The following ARSL variants were observed in gnomAD, a reference collection of about 807,000 sequenced individuals.
The protein encoded by ARSL is arylsulfatase E (chondrodysplasia punctata 1).
A neutral mutation model predicts 31.1 loss-of-function variants in ARSL; 4 were observed. That is an observed-to-expected ratio of 0.13 (90% CI 0.06 to 0.29). ARSL has a LOEUF of 0.29. Among genes scored for constraint, ARSL ranks in the 10% least tolerant of loss-of-function variants. The pLI is 1.00. For missense variants in ARSL, 312 were observed against 497.8 expected, an observed-to-expected ratio of 0.63 and a Z score of 3.55; for synonymous variants, 198 against 209.9, an observed-to-expected ratio of 0.94 and a Z score of 0.49.
chrX:2,943,024 T>C lies in ARSL; in HGVS notation c.1126+41A>G, dbSNP rs182506882. On this transcript the variant is annotated intron_variant, in intron 8 of 10. Transcript: ENST00000381134. ...CCTGCTGGGAATTGCAGGGAAGAGA[T>C]AAACTTGCAAGATGAAGATCTGGGA... The C allele has an allele frequency of 3.6e-5, 43 of 1,204,986 alleles. No individual in the cohort carries two copies. The East Asian group carries it at 1.2e-3, about 32-fold the overall frequency.
At chrX:2,958,052 T>A (rs1318577132) in intron 3 of ARSL, among the ~76,000 whole-genome samples, 1 of 110,980 alleles carries the variant, frequency 9.0e-6, no homozygotes, top group African/African-American at 3.3e-5. Context: ...AATAAATAAA[T>A]AAAAATAAAA....
intron 7 of ARSL, among the ~76,000 whole-genome samples, chrX:2,944,203 C>A (rs1036606944): frequency 9.2e-6 from 1 of 108,599 alleles, no homozygotes; most frequent in Non-Finnish European, 1.9e-5. Context: ...TCCCTGTAAT[C>A]CCAGCACTTT....
upstream of ARSL, among the ~76,000 whole-genome samples, chrX:2,967,030 ATG>A (rs1185721517): frequency 9.0e-6 from 1 of 111,696 alleles, no homozygotes; most frequent in Non-Finnish European, 1.9e-5. Context: ...AAAAATGTTT[ATG>A]TGTGTATGTA....
At chrX:2,961,006 G>A (rs748452012) in intron 1 of ARSL, among the ~76,000 whole-genome samples, 2 of 111,496 alleles carry the variant, frequency 1.8e-5, no homozygotes, top group Non-Finnish European at 3.8e-5. Flanking sequence ...ATTTGCTTGA[G>A]CCCAGGAGGT....
intron 5 of ARSL, among the ~76,000 whole-genome samples, chrX:2,950,931 G>C (rs1165193522): frequency 2.7e-5 from 3 of 110,087 alleles, no homozygotes; most frequent in African/African-American, 9.9e-5. Context: ...GCTTGTGGTC[G>C]CCTCACTTTA....
At chrX:2,964,789 T>C (rs772186834), upstream of ARSL, among the ~76,000 whole-genome samples, 92 of 110,940 alleles carry the variant, frequency 8.3e-4, no homozygotes, top group Middle Eastern at 4.6e-3. Context: ...GGCAGCAAAG[T>C]GAGATGCTGT....
Position 2,955,513 on chromosome X carries a change from T to G in ARSL, c.210A>C (p.Ala70=). The G allele has an allele frequency of 8.3e-7, 1 of 1,211,243 alleles. No individual in the cohort carries two copies. The highest frequency in any genetic ancestry group is 1.8e-5 in the South Asian group (1 of 56,836). The change falls in exon 4 of 11, where the codon GCA becomes GCC. Residue 70 remains alanine (A), a synonymous_variant. Transcript: ENST00000381134. ...GTTGGGTCAGCTTCACGCCGTCCTC[T>G]GCAAGGCGGTCAATATTCGGAGTCC... ...TMRTPNIDRL[A]EDGVKLTQHI... is the part of the protein sequence containing the mutation.
upstream of ARSL, among the ~76,000 whole-genome samples, chrX:2,965,815 C>T (rs770683031): frequency 8.0e-4 from 89 of 111,880 alleles, 2 homozygotes; most frequent in Admixed American, 8.1e-3. Flanking sequence ...ATAGGAGAAT[C>T]GCTTGAACCC....
At chrX:2,953,784 C>T (rs2089491295) in intron 4 of ARSL, among the ~76,000 whole-genome samples, 2 of 110,489 alleles carry the variant, frequency 1.8e-5, no homozygotes, top group African/African-American at 6.6e-5. Context: ...AGTGGCATGA[C>T]TATAGATCAC....
intron 2 of ARSL, 114 bp from the exon 3 acceptor site, chrX:2,958,549 C>A: frequency 2.3e-6 from 2 of 852,308 alleles, no homozygotes; most frequent in Non-Finnish European, 3.4e-6. Flanking sequence ...TTCAGAATAG[C>A]TTTGAGGACA....
rs80338713 is a variant in ARSL, at chrX:2,935,160, G to A, written c.1442C>T (p.Thr481Met). Residue 481 changes from threonine to methionine, a missense_variant, in exon 11 of 11, where the codon ACG becomes ATG. Physicochemically the swap from Thr to Met is moderately conservative, Grantham distance 81 (BLOSUM62 -1). Coordinates refer to ENST00000381134, the MANE Select transcript of ARSL (RefSeq NM_000047.3). ...RGTMWKVHFVTPVFQPEGAGA... is the reference protein window; with the variant it reads ...RGTMWKVHFVMPVFQPEGAGA... ...GGCTCCCTCTGGCTGGAACACAGGC[G>A]TCACAAAGTGGACTTTCCACATTGT... 2 of 1,211,332 alleles carry A rather than the reference G, an allele frequency of 1.7e-6. No homozygotes were observed. The highest frequency in any genetic ancestry group is 2.2e-6 in the Non-Finnish European group (2 of 895,344).
At chrX:2,955,615 T>TAG in intron 3 of ARSL, 78 bp from the exon 4 acceptor site, 2 of 1,109,766 alleles carry the variant, frequency 1.8e-6, no homozygotes, top group South Asian at 1.9e-5. Flanking sequence ...TGCTACTTCA[T>TAG]AGAAGGTCTG....
intron 3 of ARSL, 117 bp from the exon 4 acceptor site, chrX:2,955,654 T>C (rs759663367): frequency 2.2e-5 from 19 of 867,636 alleles, no homozygotes; most frequent in Non-Finnish European, 3.2e-5. Flanking sequence ...TTCAAGATGT[T>C]CTCAGGAATG....
At chrX:2,959,625 C>G (rs1357195330) in intron 2 of ARSL, 3 of 1,153,523 alleles carry the variant, frequency 2.6e-6, no homozygotes, top group South Asian at 1.9e-5. Flanking sequence ...GAATGAAATA[C>G]AATTCCTTCT....
chrX:2,954,859 G>A (rs1319778325), intron 4 of ARSL, among the ~76,000 whole-genome samples: 2 of 111,527 alleles, frequency 1.8e-5, no homozygotes, highest in African/African-American at 6.5e-5. Context: ...CTTATTTATT[G>A]TTTTTCTTTT....
At chrX:2,956,188 G>A (rs2089521944) in intron 3 of ARSL, among the ~76,000 whole-genome samples, 1 of 112,058 alleles carries the variant, frequency 8.9e-6, no homozygotes, top group Non-Finnish European at 1.9e-5. Flanking sequence ...TGACTTCATG[G>A]ACGCCAACAC....
At chrX:2,941,608 T>C (rs1190224360) in intron 8 of ARSL, among the ~76,000 whole-genome samples, 5 of 112,115 alleles carry the variant, frequency 4.5e-5, no homozygotes, top group Non-Finnish European at 9.4e-5. Context: ...CCCAGGTCTT[T>C]AGAGAAACAA....
At position 2,946,020 on chromosome X, in the gene ARSL, T is replaced by G. The variant is rs919149097; in HGVS notation, c.969A>C (p.Val323=). The G allele has an allele frequency of 8.3e-7, 1 of 1,211,472 alleles. No individual in the cohort carries two copies. Among genetic ancestry groups the G allele is most frequent in the African/African-American group, 1.7e-5 (1 of 57,813 alleles). Reference sequence around the variant, plus strand: ...TACCTACCATCCAGTCCATCTCCTCTACGTTGTCCCCATACAGCCCGTGGA... The same window carrying G: ...TACCTACCATCCAGTCCATCTCCTCGACGTTGTCCCCATACAGCCCGTGGA... The part of the protein sequence containing the change: ...KSLHGLYGDN[V]EEMDWMVGRI... The change falls in exon 7 of 11, where the codon GTA becomes GTC. Residue 323 remains valine, a synonymous_variant. Transcript: ENST00000381134.
intron 5 of ARSL, among the ~76,000 whole-genome samples, chrX:2,951,801 A>T (rs752502430): frequency 4.4e-5 from 2 of 45,038 alleles, no homozygotes. Context: ...TACCCTGTTT[A>T]AAAAAAAAAA....
Sources: allele counts gnomAD v4.1 joint callset (sites outside exome capture counted in the v4.1 genomes callset), GRCh38; gene constraint gnomAD v4.1.1; transcripts MANE v1.5; gene names NCBI Gene and HGNC (gene_info 2026-07-23, HGNC 2026-07-21).